GPR55: variants seen among roughly 807,000 people sequenced by gnomAD.
GPR55 encodes G-protein coupled receptor 55.
In GPR55, 6 loss-of-function variants were observed where a neutral mutation model predicts 7.9. The ratio of observed to expected loss-of-function variants is 0.76; its 90% confidence interval spans 0.41 to 1.49. The LOEUF (loss-of-function observed/expected upper bound fraction) is 1.49, where lower values mean the gene tolerates loss of function less well. Among genes scored for constraint, GPR55 ranks in the 40% most tolerant of loss-of-function variants. GPR55 has a pLI of 0.01. For synonymous variants in GPR55, 183 were observed against 166.8 expected, an observed-to-expected ratio of 1.10 and a Z score of -0.75; for missense variants, 376 against 406.0, an observed-to-expected ratio of 0.93 and a Z score of 0.63.
chr2:230,940,269 C>T (rs1196959217), intron 1 of GPR55, among the ~76,000 whole-genome samples: 1 of 152,150 alleles, frequency 6.6e-6, no homozygotes, highest in African/African-American at 2.4e-5. Context: ...CACCTCCCTC[C>T]TGGCACCCAC....
In GPR55 at chr2:230,910,535, C is replaced by A. The variant is rs1230608371; in HGVS notation, c.428G>T (p.Cys143Phe). The A allele has an allele frequency of 2.5e-6, 4 of 1,614,020 alleles. No individual in the cohort carries two copies. In the Admixed American group the frequency reaches 6.7e-5, roughly 27 times the overall value. Reference sequence around the variant, plus strand: ...GGTCCACACCAGGACCCAGATGGTGCAGCAGATCCCAAAGATCTTCCTGGG... The same window carrying A: ...GGTCCACACCAGGACCCAGATGGTGAAGCAGATCCCAAAGATCTTCCTGGG... ...RSPRKIFGIC[C>F]TIWVLVWTGS... Residue 143 changes from cysteine (C) to phenylalanine (F), a missense_variant, in exon 2 of 2, where the codon TGC becomes TTC. Coordinates refer to ENST00000650999, the MANE Select transcript of GPR55 (RefSeq NM_005683.4). This position sits in a 1 kb window ranked among gnomAD's most constrained non-coding sequence, Gnocchi z 5.4.
rs139888376 is a variant in GPR55 at position 230,950,943 on chromosome 2, G to A, written c.-135+9832C>T. Among the ~76,000 whole-genome samples, 563 of 152,194 alleles carry A rather than the reference G, an allele frequency of 3.7e-3. 4 individuals are homozygous for A. The highest frequency in any genetic ancestry group is 0.013 in the African/African-American group (531 of 41,516). ...AGAGGACAGGGTTCAGAGAGCTTCC[G>A]GAGAGCTGAGCACACGGAGGTTCCT... On this transcript the variant is annotated intron_variant, in intron 1 of 1. Coordinates refer to the GPR55 transcript ENST00000392039.
intron 1 of GPR55, among the ~76,000 whole-genome samples, chr2:230,942,544 T>C (rs1365882518): frequency 1.3e-5 from 2 of 151,936 alleles, no homozygotes; most frequent in African/African-American, 2.4e-5. Context: ...GTAGAGCATC[T>C]GCCCTGGTGG....
intron 1 of GPR55, among the ~76,000 whole-genome samples, chr2:230,913,176 T>A (rs1466619368): frequency 6.6e-6 from 1 of 152,192 alleles, no homozygotes; most frequent in Non-Finnish European, 1.5e-5. Context: ...CATTTAGGTT[T>A]CCAGTATTTT....
upstream of GPR55, among the ~76,000 whole-genome samples, chr2:230,926,461 G>A (rs1001582595): frequency 6.6e-6 from 1 of 152,180 alleles, no homozygotes; most frequent in Non-Finnish European, 1.5e-5. Flanking sequence ...CTGGGCAAGG[G>A]GGGGCAGCCA....
intron 1 of GPR55, among the ~76,000 whole-genome samples, chr2:230,939,682 G>T (rs1691190544): frequency 6.6e-6 from 1 of 152,186 alleles, no homozygotes; most frequent in South Asian, 2.1e-4. Context: ...TGTAACACTG[G>T]AGAAGGGGGA....
At chr2:230,914,496 G>A (rs907219722) in intron 1 of GPR55, among the ~76,000 whole-genome samples, 1 of 152,068 alleles carries the variant, frequency 6.6e-6, no homozygotes, top group Non-Finnish European at 1.5e-5. Flanking sequence ...AAAGTCCAAG[G>A]AAACCATCTT....
chr2:230,921,877 G>T (rs1192765030), intron 1 of GPR55, among the ~76,000 whole-genome samples: 1 of 152,228 alleles, frequency 6.6e-6, no homozygotes, highest in Non-Finnish European at 1.5e-5. Flanking sequence ...AATCCCTAGA[G>T]GGAAAGGCAC....
chr2:230,913,241 TGCA>T (rs1690633684), intron 1 of GPR55, among the ~76,000 whole-genome samples: 1 of 152,220 alleles, frequency 6.6e-6, no homozygotes, highest in African/African-American at 2.4e-5. Context: ...TTCTTTGCTG[TGCA>T]GCTATTGCTA....
At position 230,957,806 on chromosome 2, in the gene GPR55, T is replaced by C. The variant is rs1229881185; in HGVS notation, c.-135+2969A>G. 6 of 570,282 alleles carry C rather than the reference T, an allele frequency of 1.1e-5. No individual in the cohort carries two copies. In the Admixed American group the frequency reaches 1.2e-4, roughly 11 times the overall value. The allele number at this position is 570,282 out of a possible 1,614,324, so 35.3% of individuals were successfully genotyped here. A position where few individuals can be genotyped will look rare whatever the true frequency, so the allele number is the denominator to read the frequency against. On this transcript the variant is annotated intron_variant, in intron 1 of 1. Coordinates refer to the GPR55 transcript ENST00000392039. ...GTAGGAGGATTTATCTTGGTGACTT[T>C]GGGATGCTGGTTTCATTGTAGGTAT...
intron 1 of GPR55, among the ~76,000 whole-genome samples, chr2:230,921,477 G>C (rs1192070211): frequency 6.6e-6 from 1 of 152,154 alleles, no homozygotes; most frequent in Admixed American, 6.5e-5. Context: ...CTGTTTGTTG[G>C]TCCTGACCAC....
intron 1 of GPR55, among the ~76,000 whole-genome samples, chr2:230,942,778 G>A (rs901186754): frequency 6.6e-6 from 1 of 151,928 alleles, no homozygotes; most frequent in African/African-American, 2.4e-5. Flanking sequence ...AGACCCAGAA[G>A]AAGGAACCCC....
At chr2:230,945,595 C>T (rs911876088) in intron 1 of GPR55, among the ~76,000 whole-genome samples, 1 of 152,184 alleles carries the variant, frequency 6.6e-6, no homozygotes, top group Non-Finnish European at 1.5e-5. Flanking sequence ...GTTTTTGAGA[C>T]GGAGTCTCGC....
At chr2:230,952,488 C>A (rs1445778610) in intron 1 of GPR55, among the ~76,000 whole-genome samples, 80 of 152,256 alleles carry the variant, frequency 5.3e-4, no homozygotes, top group African/African-American at 1.8e-3. Context: ...TGGCCAATGC[C>A]CTCCCAAGTT....
chr2:230,946,508 C>A (rs1691320590), intron 1 of GPR55, among the ~76,000 whole-genome samples: 1 of 152,172 alleles, frequency 6.6e-6, no homozygotes, highest in Non-Finnish European at 1.5e-5. Context: ...TCACGTGTAC[C>A]TTAACAAAGC....
intron 1 of GPR55, among the ~76,000 whole-genome samples, chr2:230,933,817 C>T (rs949227292): frequency 5.9e-5 from 9 of 151,970 alleles, no homozygotes; most frequent in African/African-American, 7.3e-5. Context: ...GTGACAGCAG[C>T]GGGATGAAGC....
Position 230,910,602 on chromosome 2 carries a change from A to G in GPR55, c.361T>C (p.Leu121=). Residue 121 remains leucine (L), a synonymous_variant, in exon 2 of 2, where the codon TTG becomes CTG. Coordinates refer to ENST00000650999, the MANE Select transcript of GPR55 (RefSeq NM_005683.4). This position sits in a 1 kb window ranked among gnomAD's most constrained non-coding sequence, Gnocchi z 5.4. ...ACCAGTAGCGGGTAACGGATGGCCA[A>G]GAACCGGTCCATGCTGATGAAGCAG... is the stretch of plus-strand genomic sequence containing the variant. ...TICFISMDRF[L]AIRYPLLVSH... 1 of 1,614,048 alleles carries G rather than the reference A, an allele frequency of 6.2e-7. No individual in the cohort carries two copies. The highest frequency in any genetic ancestry group is 8.5e-7 in the Non-Finnish European group (1 of 1,179,978).
chr2:230,922,126 C>T (rs531637960), intron 1 of GPR55, among the ~76,000 whole-genome samples: 4 of 152,282 alleles, frequency 2.6e-5, no homozygotes, highest in South Asian at 4.1e-4. Flanking sequence ...TGCACACAGC[C>T]GTGTCTTACT....
chr2:230,928,073 G>A (rs752847338), upstream of GPR55, among the ~76,000 whole-genome samples: 2 of 152,214 alleles, frequency 1.3e-5, no homozygotes, highest in Non-Finnish European at 2.9e-5. Flanking sequence ...GGAGGGGCAC[G>A]GGGTTGGTGA....
Sources: gnomAD v4.1 joint callset for allele counts (sites outside exome capture counted in the v4.1 genomes callset) on GRCh38, gnomAD v4.1.1 for gene constraint, Gnocchi (gnomAD v3.1) non-coding constraint, MANE v1.5 for transcripts, NCBI Gene and HGNC (gene_info 2026-07-23, HGNC 2026-07-21) for gene names.